Variants in AOPEP observed in about 807,000 individuals in gnomAD.
AOPEP encodes the protein aminopeptidase O (putative).
Under a neutral mutation model 98.1 loss-of-function variants are expected in AOPEP, and 77 were observed. The ratio of observed to expected loss-of-function variants is 0.78; its 90% CI spans 0.65 to 0.95. The LOEUF (loss-of-function observed/expected upper bound fraction) is 0.95, where lower values mean the gene tolerates loss of function less well. AOPEP is among the 40% of genes least tolerant of loss of function. The probability of loss-of-function intolerance (pLI) is 0.00; values close to 1 mark genes in which losing one functional copy is unlikely to be tolerated. For synonymous variants in AOPEP, 346 were observed against 365.3 expected (o/e 0.95, Z 0.60); for missense variants, 1,024 against 1,024.7 (o/e 1.00, Z 0.01).
chr9:94,746,000 G>A (rs1044233110), intron 1 of AOPEP, among the ~76,000 whole-genome samples: 2 of 152,162 alleles, frequency 1.3e-5, no homozygotes, highest in African/African-American at 2.4e-5. Context: ...TGTACGACAG[G>A]GGTTCCCCTT....
intron 5 of AOPEP, among the ~76,000 whole-genome samples, chr9:94,840,573 G>T (rs182086021): frequency 5.7e-4 from 86 of 152,088 alleles, no homozygotes; most frequent in Admixed American, 1.1e-3. Flanking sequence ...GTGTAGAATT[G>T]GTATTATTTC....
At chr9:95,101,681 G>A in the AOPEP span, 32 of 1,612,666 alleles carry the variant, frequency 2.0e-5, no homozygotes, top group Admixed American at 3.3e-5. Flanking sequence ...CCCTCACGCC[G>A]GGCACCCACA....
intron 3 of AOPEP, among the ~76,000 whole-genome samples, chr9:94,785,859 C>A (rs1844317431): frequency 1.3e-5 from 2 of 152,176 alleles, no homozygotes; most frequent in South Asian, 4.1e-4. Flanking sequence ...AAGTAAACAC[C>A]ATTTAAATAG....
At chr9:95,111,680 C>A in the AOPEP span, 11 of 1,612,116 alleles carry the variant, frequency 6.8e-6, no homozygotes, top group African/African-American at 1.3e-5. Context: ...AACCTAAATT[C>A]TTCTTCCTTT....
At position 94,885,942 on chromosome 9, in the gene AOPEP, G is replaced by T. The variant is rs577745841; in HGVS notation, c.1365-38044G>T. Among the ~76,000 whole-genome samples the T allele has an allele frequency of 4.6e-5, 7 of 152,288 alleles. No homozygotes were observed. The East Asian group carries it at 1.2e-3, about 25-fold the overall frequency. ...TATAATTGTATGAAATCAGGGCAGT[G>T]CCAGAAGATCGCAGAGTTCTCTGTT... On this transcript the variant is annotated intron_variant, in intron 5 of 16. Coordinates refer to ENST00000375315, the MANE Select transcript of AOPEP (RefSeq NM_001193329.3).
intron 5 of AOPEP, among the ~76,000 whole-genome samples, chr9:94,878,565 C>T (rs555511936): frequency 6.6e-6 from 1 of 152,142 alleles, no homozygotes; most frequent in Admixed American, 6.5e-5. Flanking sequence ...GCATTAAAAC[C>T]TTGCGTTATT....
intron 5 of AOPEP, among the ~76,000 whole-genome samples, chr9:94,852,581 G>A (rs2043686275): frequency 6.6e-6 from 1 of 152,212 alleles, no homozygotes; most frequent in Non-Finnish European, 1.5e-5. Context: ...ATGTAAGCTG[G>A]AAGACTGAGA....
chr9:95,070,777 G>A (rs373593775), intron 14 of AOPEP, among the ~76,000 whole-genome samples: 88 of 152,366 alleles, frequency 5.8e-4, no homozygotes, highest in Admixed American at 9.8e-4. Context: ...GAGAGTGGCC[G>A]GTGGGGGCAC....
At chr9:94,965,999 C>A (rs1037114110) in intron 9 of AOPEP, among the ~76,000 whole-genome samples, 3 of 141,370 alleles carry the variant, frequency 2.1e-5, no homozygotes, top group East Asian at 4.5e-4. Flanking sequence ...GTCTGCAGTT[C>A]ACTGGGTGTC....
At chr9:95,048,128 GTT>G (rs753694878) in intron 13 of AOPEP, among the ~76,000 whole-genome samples, 1 of 144,552 alleles carries the variant, frequency 6.9e-6, no homozygotes. Context: ...TTATTGGTAA[GTT>G]TTTTTTTTTT....
chr9:95,084,077 T>C (rs1481731623), intron 16 of AOPEP, among the ~76,000 whole-genome samples: 2 of 152,236 alleles, frequency 1.3e-5, no homozygotes, highest in African/African-American at 4.8e-5. Context: ...CAGTGTTTTA[T>C]ATGATATTAA....
At chr9:95,127,608 T>G in the AOPEP span, among the ~76,000 whole-genome samples, 3 of 152,204 alleles carry the variant, frequency 2.0e-5, no homozygotes, top group Admixed American at 1.3e-4. Context: ...GGACCCCTGC[T>G]TCACAGCAGC....
the AOPEP span, among the ~76,000 whole-genome samples, chr9:95,109,412 A>T: frequency 6.6e-6 from 1 of 151,866 alleles, no homozygotes; most frequent in East Asian, 1.9e-4. Context: ...TAGAAGTGGA[A>T]CCACAGGGTT....
At chr9:95,085,481 G>T in intron 16 of AOPEP, 1 of 533,182 alleles carries the variant, frequency 1.9e-6, no homozygotes, top group South Asian at 1.4e-5. Context: ...GCTGATTGGT[G>T]AACAGTGATT....
chr9:94,982,173 A>G (rs1271134013), intron 11 of AOPEP, among the ~76,000 whole-genome samples: 3 of 152,142 alleles, frequency 2.0e-5, no homozygotes, highest in African/African-American at 7.2e-5. Context: ...TTACTTTGGG[A>G]TATAAAAAAG....
the AOPEP span, chr9:95,123,584 TG>T: frequency 1.7e-6 from 1 of 581,328 alleles, no homozygotes; most frequent in Non-Finnish European, 3.3e-6. Flanking sequence ...GCAGCCTATT[TG>T]CGACACGAAC....
At chr9:94,956,156 G>C in intron 9 of AOPEP, 141 bp downstream of exon 9, 1 of 575,106 alleles carries the variant, frequency 1.7e-6, no homozygotes, top group East Asian at 2.7e-5. Context: ...TAATGAAATG[G>C]ACACAAAGAA....
intron 7 of AOPEP, chr9:94,932,034 A>G: frequency 2.6e-6 from 3 of 1,174,432 alleles, no homozygotes. Context: ...TCTAGCTGAT[A>G]AAGAAGAGAA....
At position 94,760,575 on chromosome 9, in the gene AOPEP, T is replaced by G. The variant is rs781216214; in HGVS notation, c.792T>G (p.Ser264Arg). 95 of 1,535,362 alleles carry G rather than the reference T, an allele frequency of 6.2e-5. No homozygotes were observed. Among genetic ancestry groups the G allele is most frequent in the Non-Finnish European group, 7.8e-5 (89 of 1,145,350 alleles). Residue 264 changes from serine (S) to arginine (R), a missense_variant, in exon 2 of 17, where the codon AGT becomes AGG. Ser to Arg is a moderately radical substitution (Grantham distance 110, BLOSUM62 -1). Transcript: ENST00000375315. ...GRSVTWTSDQ[S>R]GRPCVYTVGS... The stretch of plus-strand genomic sequence containing the variant: ...CGGTTACATGGACCTCAGACCAGAG[T>G]GGCAGGTAGGTTATCCAAGCACTTC...
Sources: allele counts gnomAD v4.1 joint callset (sites outside exome capture counted in the v4.1 genomes callset), GRCh38; gene constraint gnomAD v4.1.1; transcripts MANE v1.5; gene names NCBI Gene and HGNC (gene_info 2026-07-23, HGNC 2026-07-21).